CNGB3: variants seen among roughly 807,000 people sequenced by gnomAD.
The protein encoded by CNGB3 is cyclic nucleotide gated channel subunit beta 3.
Under a neutral mutation model 92.8 loss-of-function variants are expected in CNGB3, and 86 were observed. That is an observed-to-expected ratio of 0.93 (90% CI 0.78 to 1.11). The LOEUF (loss-of-function observed/expected upper bound fraction) is 1.11. Ranked by LOEUF, CNGB3 falls within the 50% of genes least tolerant of loss-of-function variation. The pLI is 0.00. For missense variants in CNGB3, 1,026 were observed against 956.8 expected (o/e 1.07, Z -0.95); for synonymous variants, 333 against 332.7 (o/e 1.00, Z -0.01).
At position 86,576,016 on chromosome 8, in the gene CNGB3, T is replaced by C. The variant is rs1415159277; in HGVS notation, c.2218A>G (p.Lys740Glu). 5 of 1,612,794 alleles carry C rather than the reference T, an allele frequency of 3.1e-6. No individual in the cohort carries two copies. The highest frequency in any genetic ancestry group is 2.2e-5 in the South Asian group (2 of 90,670). Reference protein sequence around the residue: ...NEDKGKENEDKDKGREPEEKP... With the variant: ...NEDKGKENEDEDKGREPEEKP... The stretch of plus-strand genomic sequence containing the variant: ...TCTTCTGGCTCTCTTCCTTTATCTT[T>C]ATCTTCATTTTCTTTTCCTTTATCT... Residue 740 changes from lysine to glutamate, a missense_variant, in exon 18 of 18, where the codon AAA becomes GAA. Coordinates refer to ENST00000320005, the MANE Select transcript of CNGB3 (RefSeq NM_019098.5).
chr8:86,642,434 A>C (rs928758928), intron 10 of CNGB3, among the ~76,000 whole-genome samples: 3 of 151,738 alleles, frequency 2.0e-5, no homozygotes, highest in Non-Finnish European at 4.4e-5. Context: ...TTTCCCAATC[A>C]GTGGTCCTTC....
intron 3 of CNGB3, 37 bp downstream of exon 3, chr8:86,726,494 T>A: frequency 6.2e-7 from 1 of 1,613,030 alleles, no homozygotes; most frequent in Non-Finnish European, 8.5e-7. Context: ...CTGAGCAATA[T>A]CTCTAAAATA....
At chr8:86,673,868 A>G (rs539220369) in intron 3 of CNGB3, among the ~76,000 whole-genome samples, 4 of 152,308 alleles carry the variant, frequency 2.6e-5, no homozygotes, top group Non-Finnish European at 5.9e-5. Context: ...GATATTCAGG[A>G]GACATTCAGA....
intron 6 of CNGB3, among the ~76,000 whole-genome samples, chr8:86,664,773 C>T (rs1823710069): frequency 2.0e-5 from 3 of 152,012 alleles, no homozygotes; most frequent in Admixed American, 1.3e-4. Context: ...ATGCCATATT[C>T]ATTAAAAAAC....
intron 13 of CNGB3, among the ~76,000 whole-genome samples, chr8:86,612,400 T>C (rs894184929): frequency 3.9e-5 from 6 of 152,204 alleles, no homozygotes; most frequent in African/African-American, 1.4e-4. Flanking sequence ...TCAACAAATA[T>C]ATATTTTTTC....
At chr8:86,611,759 T>C in intron 13 of CNGB3, 88 bp from the exon 14 acceptor site, 2 of 963,582 alleles carry the variant, frequency 2.1e-6, no homozygotes, top group South Asian at 2.8e-5. Flanking sequence ...TAAACAGTAA[T>C]ATATATTGTC....
In CNGB3 at chr8:86,629,021, C is replaced by T. The variant is rs148572872; in HGVS notation, c.1378G>A (p.Asp460Asn). The change falls in exon 12 of 18, where the codon GAT becomes AAT. Residue 460 changes from aspartate to asparagine, a missense_variant. Physicochemically the swap from Asp to Asn is conservative, Grantham distance 23. Coordinates refer to ENST00000320005, the MANE Select transcript of CNGB3 (RefSeq NM_019098.5). ...TTGTTCATGTAGGCAATGGTGTCAT[C>T]CATGCAGGCGCGGAAGTAGTTCTGA... ...ANQNYFRACM[D>N]DTIAYMNNYS... 3.7e-6 allele frequency: 6 copies of T among 1,614,020 alleles called. No homozygotes were observed. Among genetic ancestry groups the T allele is most frequent in the Non-Finnish European group, 5.1e-6 (6 of 1,179,964 alleles).
At chr8:86,720,956 T>A (rs1482652123) in intron 3 of CNGB3, among the ~76,000 whole-genome samples, 2 of 150,620 alleles carry the variant, frequency 1.3e-5, no homozygotes, top group Non-Finnish European at 3.0e-5. Context: ...AATTGGAGAG[T>A]GTAATAATAA....
At chr8:86,733,424 T>G (rs945038371) in intron 2 of CNGB3, among the ~76,000 whole-genome samples, 2 of 152,240 alleles carry the variant, frequency 1.3e-5, no homozygotes, top group East Asian at 3.8e-4. Context: ...ATGTGTCTTT[T>G]GGGTAGAACA....
At chr8:86,627,843 A>C (rs78518538) in intron 12 of CNGB3, among the ~76,000 whole-genome samples, 91 of 152,294 alleles carry the variant, frequency 6.0e-4, no homozygotes, top group African/African-American at 2.1e-3. Context: ...TTTGAACTAC[A>C]CAGGTCCACT....
intron 10 of CNGB3, among the ~76,000 whole-genome samples, chr8:86,640,790 T>A (rs926227108): frequency 8.5e-5 from 13 of 152,098 alleles, no homozygotes; most frequent in African/African-American, 3.1e-4. Flanking sequence ...TTTTAAAGCT[T>A]ATTTTGACTA....
chr8:86,609,018 C>T (rs7015151), intron 14 of CNGB3, among the ~76,000 whole-genome samples: 1 of 152,038 alleles, frequency 6.6e-6, no homozygotes, highest in Admixed American at 6.5e-5. Flanking sequence ...GCCCACCGAC[C>T]CTGTGGGGCT....
At chr8:86,695,464 A>G (rs999361577) in intron 3 of CNGB3, among the ~76,000 whole-genome samples, 1 of 151,974 alleles carries the variant, frequency 6.6e-6, no homozygotes, top group Non-Finnish European at 1.5e-5. Context: ...GAAACCTTCC[A>G]GTGTATTTTG....
At chr8:86,691,952 T>A (rs917393048) in intron 3 of CNGB3, among the ~76,000 whole-genome samples, 3 of 152,198 alleles carry the variant, frequency 2.0e-5, no homozygotes, top group African/African-American at 7.2e-5. Context: ...TCAAATAATT[T>A]TTTAATGTTC....
At chr8:86,724,192 A>G (rs1293692619) in intron 3 of CNGB3, among the ~76,000 whole-genome samples, 1 of 152,214 alleles carries the variant, frequency 6.6e-6, no homozygotes, top group Admixed American at 6.5e-5. Context: ...AACACTTAAA[A>G]AAAGTCTTCT....
In CNGB3 at chr8:86,629,078, T is replaced by A. The variant is rs765939705; in HGVS notation, c.1321A>T (p.Met441Leu). The A allele has an allele frequency of 3.1e-6, 5 of 1,613,866 alleles. No individual in the cohort carries two copies. In the Admixed American group the frequency reaches 5.0e-5, roughly 16 times the overall value. The stretch of plus-strand genomic sequence containing the variant: ...GTAGCTGCTCCAATCACATCTCTCA[T>A]CTAAAACCACAAATATGGTCACTCC... ...VFVFSSLIGQ[M>L]RDVIGAATAN... Residue 441 changes from methionine to leucine, a missense_variant and splice_region_variant, in exon 12 of 18, where the codon ATG (methionine) becomes TTG (leucine). Physicochemically the swap from Met to Leu is conservative, Grantham distance 15 (BLOSUM62 2). Coordinates refer to ENST00000320005, the MANE Select transcript of CNGB3 (RefSeq NM_019098.5).
rs186448979 is a variant in CNGB3, at chr8:86,575,819, T to G, written c.2415A>C (p.Glu805Asp). The change falls in exon 18 of 18, where the codon GAA becomes GAC. Residue 805 changes from glutamate to aspartate, a missense_variant. Physicochemically the swap from Glu to Asp is conservative, Grantham distance 45 (BLOSUM62 2). Coordinates refer to ENST00000320005, the MANE Select transcript of CNGB3 (RefSeq NM_019098.5). ...GEEVLTIEVK[E>D]KAKQ Reference sequence around the variant, plus strand: ...AATCAAACATTTATTGCTTAGCCTTTTCTTTGACTTCAATAGTAAGAACCT... The same window carrying G: ...AATCAAACATTTATTGCTTAGCCTTGTCTTTGACTTCAATAGTAAGAACCT... 1.7e-4 allele frequency: 278 copies of G among 1,613,890 alleles called. 1 individual carries two copies. The East Asian group carries it at 5.8e-3, about 34-fold the overall frequency.
chr8:86,645,898 T>C (rs921575490), intron 8 of CNGB3, among the ~76,000 whole-genome samples: 2 of 151,178 alleles, frequency 1.3e-5, no homozygotes, highest in East Asian at 1.9e-4. Context: ...AGATGATAAA[T>C]ATTTATCCTA....
intron 8 of CNGB3, among the ~76,000 whole-genome samples, chr8:86,646,719 T>A (rs1823297075): frequency 6.6e-6 from 1 of 151,200 alleles, no homozygotes; most frequent in African/African-American, 2.4e-5. Flanking sequence ...TATAAAGTCT[T>A]TTGTGATCCC....
Sources: allele counts gnomAD v4.1 joint callset (sites outside exome capture counted in the v4.1 genomes callset), GRCh38; gene constraint gnomAD v4.1.1; transcripts MANE v1.5; gene names NCBI Gene and HGNC (gene_info 2026-07-23, HGNC 2026-07-21).